The following ADGRL3 variants were observed in gnomAD, a reference collection of about 807,000 sequenced individuals.
The protein encoded by ADGRL3 is adhesion G protein-coupled receptor L3, also known as calcium-independent alpha-latrotoxin receptor 3.
A neutral mutation model predicts 153.5 loss-of-function variants in ADGRL3; 62 were observed. The observed-to-expected ratio is 0.40, with a 90% CI of 0.33 to 0.50. ADGRL3 has a LOEUF of 0.50. ADGRL3 is among the 20% of genes least tolerant of loss of function. The probability of loss-of-function intolerance (pLI) is 0.47; values close to 1 mark genes in which losing one functional copy is unlikely to be tolerated. For missense variants in ADGRL3, 1,641 were observed against 1,859.4 expected, an observed-to-expected ratio of 0.88 and a Z score of 2.16; for synonymous variants, 710 against 672.5, an observed-to-expected ratio of 1.06 and a Z score of -0.86.
chr4:61,531,304 C>T (rs73822621), intron 4 of ADGRL3, among the ~76,000 whole-genome samples: 3,291 of 152,210 alleles, frequency 0.022, 109 homozygotes, highest in East Asian at 0.15. Flanking sequence ...TCTGTTTTCG[C>T]CTAGTCTAAC....
intron 1 of ADGRL3, among the ~76,000 whole-genome samples, chr4:61,338,367 T>G (rs1452900796): frequency 6.7e-6 from 1 of 150,062 alleles, no homozygotes; most frequent in Non-Finnish European, 1.5e-5. Context: ...TCTCAAAAGT[T>G]AGTATGATTA....
chr4:61,731,101 G>T (rs1235350285), intron 7 of ADGRL3, among the ~76,000 whole-genome samples: 1 of 151,746 alleles, frequency 6.6e-6, no homozygotes, highest in Non-Finnish European at 1.5e-5. Context: ...TGATAACAAT[G>T]GATACTTATC....
chr4:61,965,262 G>A (rs112561049), intron 17 of ADGRL3, among the ~76,000 whole-genome samples: 180 of 152,120 alleles, frequency 1.2e-3, no homozygotes, highest in African/African-American at 4.1e-3. Flanking sequence ...TCCTCCCAAA[G>A]TGCTAGGATT....
At chr4:61,640,695 C>T (rs73825906) in intron 5 of ADGRL3, among the ~76,000 whole-genome samples, 1 of 152,124 alleles carries the variant, frequency 6.6e-6, no homozygotes, top group Non-Finnish European at 1.5e-5. Context: ...ATTAAGAAAA[C>T]TCTATTGACT....
chr4:61,743,604 A>G (rs908476396), intron 8 of ADGRL3, among the ~76,000 whole-genome samples: 1 of 152,198 alleles, frequency 6.6e-6, no homozygotes, highest in Non-Finnish European at 1.5e-5. Context: ...GGCTGTTAGC[A>G]TTCATATTTA....
chr4:61,364,771 T>C (rs987425863), intron 1 of ADGRL3, among the ~76,000 whole-genome samples: 1 of 152,152 alleles, frequency 6.6e-6, no homozygotes, highest in African/African-American at 2.4e-5. Context: ...TGAGAGACAA[T>C]AATCATCACC....
intron 1 of ADGRL3, among the ~76,000 whole-genome samples, chr4:61,381,598 G>T (rs1346422246): frequency 1.3e-5 from 2 of 151,738 alleles, no homozygotes; most frequent in African/African-American, 4.8e-5. Flanking sequence ...GTCATGCTTG[G>T]ATGTCAGAAT....
chr4:61,601,200 G>A (rs1244877392), intron 5 of ADGRL3, among the ~76,000 whole-genome samples: 1 of 152,026 alleles, frequency 6.6e-6, no homozygotes, highest in Non-Finnish European at 1.5e-5. Context: ...ATGTGTTACC[G>A]AATGCGCCAA....
intron 3 of ADGRL3, among the ~76,000 whole-genome samples, chr4:61,499,959 T>G (rs1016920922): frequency 6.7e-6 from 1 of 148,550 alleles, no homozygotes; most frequent in Non-Finnish European, 1.5e-5. Context: ...TGGGAACTGA[T>G]AGTCTGCATT....
At chr4:61,624,649 T>C (rs542881352) in intron 5 of ADGRL3, among the ~76,000 whole-genome samples, 1 of 152,084 alleles carries the variant, frequency 6.6e-6, no homozygotes, top group East Asian at 1.9e-4. Flanking sequence ...ATTGAAAAAA[T>C]AGTCCATAAA....
chr4:62,044,117 G>C (rs554260850), intron 24 of ADGRL3, among the ~76,000 whole-genome samples: 15 of 151,828 alleles, frequency 9.9e-5, no homozygotes, highest in African/African-American at 3.6e-4. Context: ...TTTTACCTTG[G>C]AAATTAAAAT....
chr4:61,808,195 T>C (rs1369495777), intron 8 of ADGRL3, among the ~76,000 whole-genome samples: 1 of 152,220 alleles, frequency 6.6e-6, no homozygotes, highest in Non-Finnish European at 1.5e-5. Flanking sequence ...AACTGCTTAG[T>C]CCTGCACCTA....
At chr4:61,856,449 T>TCC (rs1197921861) in intron 9 of ADGRL3, among the ~76,000 whole-genome samples, 3 of 148,552 alleles carry the variant, frequency 2.0e-5, no homozygotes, top group Admixed American at 6.7e-5. Context: ...CTTCCTTCCT[T>TCC]TTTTCTTTTC....
chr4:61,220,300 A>C (rs1744881759), intron 1 of ADGRL3, among the ~76,000 whole-genome samples: 1 of 152,110 alleles, frequency 6.6e-6, no homozygotes, highest in South Asian at 2.1e-4. Flanking sequence ...TTAAAAAGGT[A>C]ATAGGACAAG....
intron 19 of ADGRL3, among the ~76,000 whole-genome samples, chr4:61,984,772 A>T (rs1387106094): frequency 6.6e-6 from 1 of 152,146 alleles, no homozygotes; most frequent in Non-Finnish European, 1.5e-5. Context: ...TCAGCCTCCC[A>T]AGTAGTGCAA....
chr4:61,441,866 A>G (rs2097532240), intron 2 of ADGRL3, among the ~76,000 whole-genome samples: 1 of 152,180 alleles, frequency 6.6e-6, no homozygotes, highest in Non-Finnish European at 1.5e-5. Flanking sequence ...TATTCTTTTC[A>G]AAGAATTAAT....
At chr4:61,369,074 G>C (rs1174743489) in intron 1 of ADGRL3, among the ~76,000 whole-genome samples, 3 of 152,164 alleles carry the variant, frequency 2.0e-5, no homozygotes, top group Non-Finnish European at 2.9e-5. Flanking sequence ...TGTGCACATT[G>C]ATTTTGTATC....
At chr4:61,310,353 A>G (rs1349830896) in intron 1 of ADGRL3, among the ~76,000 whole-genome samples, 2 of 151,954 alleles carry the variant, frequency 1.3e-5, no homozygotes, top group African/African-American at 4.8e-5. Flanking sequence ...CAAAGCATTG[A>G]TTTCTGACAG....
chr4:61,402,380 T>G (rs938337601), intron 2 of ADGRL3, among the ~76,000 whole-genome samples: 4 of 152,142 alleles, frequency 2.6e-5, no homozygotes, highest in Non-Finnish European at 1.5e-5. Context: ...TGATGATCCA[T>G]TCCCCATTTT....
Sources: allele counts gnomAD v4.1 joint callset (sites outside exome capture counted in the v4.1 genomes callset), GRCh38; gene constraint gnomAD v4.1.1; transcripts MANE v1.5; gene names NCBI Gene and HGNC (gene_info 2026-07-23, HGNC 2026-07-21).